Variants in GRID1 observed in about 807,000 individuals in gnomAD.
The protein encoded by GRID1 is glutamate receptor ionotropic, delta-1.
GRID1 carries 28 observed loss-of-function variants against 98.0 expected under a neutral mutation model. The observed-to-expected ratio is 0.29, with a 90% CI of 0.21 to 0.39. The LOEUF (loss-of-function observed/expected upper bound fraction) is 0.39, where lower values mean the gene tolerates loss of function less well. GRID1 is among the 10% of genes least tolerant of loss of function. GRID1 has a pLI of 1.00. For synonymous variants in GRID1, 553 were observed against 538.5 expected, an observed-to-expected ratio of 1.03 and a Z score of -0.37; for missense variants, 1,111 against 1,340.5, an observed-to-expected ratio of 0.83 and a Z score of 2.67.
chr10:85,854,415 G>T, intron 8 of GRID1, 81 bp downstream of exon 8: 1 of 1,277,040 alleles, frequency 7.8e-7, no homozygotes, highest in East Asian at 2.3e-5. Flanking sequence ...CAGTTGCTGG[G>T]AGCTCAGGGA....
At chr10:85,618,086 G>A (rs1171113919) in intron 14 of GRID1, among the ~76,000 whole-genome samples, 1 of 152,190 alleles carries the variant, frequency 6.6e-6, no homozygotes, top group Non-Finnish European at 1.5e-5. Flanking sequence ...AGCCCCCTCT[G>A]CTCTGACTCC....
intron 2 of GRID1, among the ~76,000 whole-genome samples, chr10:86,345,960 C>A (rs574173907): frequency 1.8e-4 from 27 of 152,340 alleles, no homozygotes; most frequent in African/African-American, 6.5e-4. Flanking sequence ...CTGTTCCACA[C>A]TTAAGACTCA....
chr10:86,050,197 T>C (rs1287224850), intron 4 of GRID1, among the ~76,000 whole-genome samples: 6 of 152,252 alleles, frequency 3.9e-5, no homozygotes, highest in African/African-American at 7.2e-5. Context: ...AAGAAATGTC[T>C]GTGTTTCTAA....
chr10:86,205,953 G>A (rs768134524), intron 3 of GRID1, among the ~76,000 whole-genome samples: 4 of 152,084 alleles, frequency 2.6e-5, no homozygotes, highest in Non-Finnish European at 4.4e-5. Context: ...GGCAGATTGC[G>A]ATGGATGGAG....
intron 12 of GRID1, among the ~76,000 whole-genome samples, chr10:85,675,008 C>A (rs938115689): frequency 1.3e-5 from 2 of 152,146 alleles, no homozygotes; most frequent in African/African-American, 2.4e-5. Flanking sequence ...AGTGCACTAT[C>A]AATAGCTTCA....
At chr10:85,684,243 A>AATG (rs1841242490) in intron 12 of GRID1, among the ~76,000 whole-genome samples, 1 of 152,208 alleles carries the variant, frequency 6.6e-6, no homozygotes, top group Non-Finnish European at 1.5e-5. Context: ...ACAAATATAC[A>AATG]TGCCCCTAAA....
At chr10:86,124,858 G>C (rs950066807) in intron 4 of GRID1, among the ~76,000 whole-genome samples, 1 of 152,186 alleles carries the variant, frequency 6.6e-6, no homozygotes, top group Non-Finnish European at 1.5e-5. Flanking sequence ...GGAGCTTATG[G>C]AAACCTTAGT....
At chr10:85,945,577 T>C (rs1842044610) in intron 4 of GRID1, among the ~76,000 whole-genome samples, 1 of 152,220 alleles carries the variant, frequency 6.6e-6, no homozygotes, top group Admixed American at 6.5e-5. Flanking sequence ...ATTTCCATCT[T>C]CCCAGATACT....
At chr10:85,730,536 C>T (rs7898626) in intron 8 of GRID1, among the ~76,000 whole-genome samples, 93,376 of 152,028 alleles carry the variant, frequency 0.61, 30,012 homozygotes, top group African/African-American at 0.82. Context: ...CAGCCAATGT[C>T]GAGAACCCCT....
chr10:85,742,841 A>G (rs1841957603), intron 8 of GRID1, among the ~76,000 whole-genome samples: 1 of 152,170 alleles, frequency 6.6e-6, no homozygotes, highest in Admixed American at 6.5e-5. Flanking sequence ...AAAGGGCCAT[A>G]CAGTGTCTGC....
intron 2 of GRID1, among the ~76,000 whole-genome samples, chr10:86,230,029 A>T (rs890064706): frequency 3.3e-5 from 5 of 152,186 alleles, no homozygotes; most frequent in African/African-American, 1.2e-4. Context: ...TAAGTGAAGG[A>T]GTAACAGCCT....
At chr10:86,135,472 T>A (rs1431501856) in intron 4 of GRID1, among the ~76,000 whole-genome samples, 1 of 151,282 alleles carries the variant, frequency 6.6e-6, no homozygotes, top group African/African-American at 2.4e-5. Flanking sequence ...CTCAGCCCCA[T>A]CCTCCCTGAG....
chr10:86,120,350 G>A (rs1438131662), intron 4 of GRID1, among the ~76,000 whole-genome samples: 1 of 152,156 alleles, frequency 6.6e-6, no homozygotes, highest in Non-Finnish European at 1.5e-5. Context: ...GCTTCCTACA[G>A]AAAGCCTTAT....
At chr10:86,320,944 C>G (rs1847962035) in intron 2 of GRID1, among the ~76,000 whole-genome samples, 2 of 151,704 alleles carry the variant, frequency 1.3e-5, no homozygotes, top group South Asian at 4.2e-4. Flanking sequence ...CTAAAAAACA[C>G]AAAAAATTGG....
At chr10:85,771,550 C>A (rs1219731105) in intron 8 of GRID1, among the ~76,000 whole-genome samples, 4 of 151,910 alleles carry the variant, frequency 2.6e-5, no homozygotes, top group Non-Finnish European at 5.9e-5. Flanking sequence ...GAGTCAAGAC[C>A]CATCAGTGTG....
At chr10:86,350,424 G>A (rs1217452408) in intron 2 of GRID1, among the ~76,000 whole-genome samples, 1 of 152,186 alleles carries the variant, frequency 6.6e-6, no homozygotes, top group Non-Finnish European at 1.5e-5. Flanking sequence ...GGCTGGGGCT[G>A]GGGAGATGGC....
intron 4 of GRID1, among the ~76,000 whole-genome samples, chr10:86,011,929 G>A (rs1368352701): frequency 6.6e-6 from 1 of 152,178 alleles, no homozygotes; most frequent in African/African-American, 2.4e-5. Flanking sequence ...AGGCCGAAGC[G>A]AGCAGATTGC....
chr10:85,733,873 A>C (rs1231622044), intron 8 of GRID1, among the ~76,000 whole-genome samples: 1 of 152,224 alleles, frequency 6.6e-6, no homozygotes, highest in African/African-American at 2.4e-5. Flanking sequence ...TATGTGTTAC[A>C]TATAGGTGAT....
chr10:85,602,390 G>A lies in GRID1; in HGVS notation c.2913C>T (p.Pro971=), dbSNP rs760319793. Residue 971 remains proline, a synonymous_variant, in exon 16 of 16, where the codon CCC becomes CCT. Transcript: ENST00000327946. ...MPSMQCKHRS[P]NGGLFRQSPV... is the part of the protein sequence containing the mutation. ...GGCTCTGCCGGAACAGCCCCCCGTT[G>A]GGTGACCTGTGTTTGCACTGCATGG... is the stretch of plus-strand genomic sequence containing the variant. 6.2e-7 allele frequency: 1 copy of A among 1,609,910 alleles called. No homozygotes were observed. The highest frequency in any genetic ancestry group is 1.3e-5 in the African/African-American group (1 of 75,018).
Sources: allele counts gnomAD v4.1 joint callset (sites outside exome capture counted in the v4.1 genomes callset), GRCh38; gene constraint gnomAD v4.1.1; transcripts MANE v1.5; gene names NCBI Gene and HGNC (gene_info 2026-07-23, HGNC 2026-07-21).